ULK4: variants seen among roughly 807,000 people sequenced by gnomAD.
The protein encoded by ULK4 is inactive serine/threonine-protein kinase ULK4.
ULK4 carries 133 observed loss-of-function variants against 160.6 expected under a neutral mutation model. The observed-to-expected ratio is 0.83, with a 90% CI of 0.72 to 0.96. ULK4 has a LOEUF of 0.96. Among genes scored for constraint, ULK4 ranks in the 40% least tolerant of loss-of-function variants. The pLI is 0.00. For missense variants in ULK4, 1,580 were observed against 1,499.5 expected, an observed-to-expected ratio of 1.05 and a Z score of -0.89; for synonymous variants, 534 against 539.8, an observed-to-expected ratio of 0.99 and a Z score of 0.15.
At chr3:41,357,817 G>A (rs1363830474) in intron 35 of ULK4, among the ~76,000 whole-genome samples, 2 of 152,184 alleles carry the variant, frequency 1.3e-5, no homozygotes, top group Non-Finnish European at 2.9e-5. Context: ...ACTGTGGCAG[G>A]AGTCACGGAG....
At chr3:41,696,101 A>C (rs984271910) in intron 27 of ULK4, among the ~76,000 whole-genome samples, 5 of 152,124 alleles carry the variant, frequency 3.3e-5, no homozygotes, top group African/African-American at 1.2e-4. Context: ...GGAACGGGAA[A>C]GGCAATCTCC....
chr3:41,881,590 C>T (rs1175132433), intron 17 of ULK4, among the ~76,000 whole-genome samples: 1 of 152,110 alleles, frequency 6.6e-6, no homozygotes, highest in African/African-American at 2.4e-5. Context: ...GCACCTAGCT[C>T]AATTTCAAGT....
chr3:41,284,508 T>C (rs1038860526), intron 35 of ULK4, among the ~76,000 whole-genome samples: 12 of 152,106 alleles, frequency 7.9e-5, no homozygotes, highest in African/African-American at 2.7e-4. Context: ...GACACCCCTT[T>C]CAACAAATGG....
chr3:41,511,940 T>G (rs1053678397), intron 32 of ULK4, among the ~76,000 whole-genome samples: 1 of 152,112 alleles, frequency 6.6e-6, no homozygotes, highest in Non-Finnish European at 1.5e-5. Context: ...CACGATCAAG[T>G]GGGTTTCATA....
Position 41,878,675 on chromosome 3 carries a change from T to TAAAAAAAA in ULK4, c.1656+5191_1656+5198dup, listed in dbSNP as rs33987084. ...AATAATCGATTGATGTTAAAACTGT[T>TAAAAAAAA]AAAAAAAAAAAAAAAAAAAAAGAGT... On this transcript the variant is annotated intron_variant, in intron 17 of 36. Transcript: ENST00000301831. 1.9e-4 allele frequency among the ~76,000 whole-genome samples: 18 copies of TAAAAAAAA among 95,920 alleles called. No individual in the cohort carries two copies. The East Asian group carries it at 2.2e-3, about 12-fold the overall frequency. The allele number at this position is 95,920 out of a possible 152,430, so 62.9% of individuals were successfully genotyped here.
intron 32 of ULK4, among the ~76,000 whole-genome samples, chr3:41,551,317 T>C (rs2643972): frequency 0.51 from 76,845 of 150,568 alleles, 19,626 homozygotes; most frequent in Middle Eastern, 0.58. Flanking sequence ...GGCAAAAAAG[T>C]ATAAAGGATC....
intron 35 of ULK4, among the ~76,000 whole-genome samples, chr3:41,393,119 G>A (rs555911406): frequency 2.0e-5 from 3 of 152,212 alleles, no homozygotes; most frequent in Non-Finnish European, 4.4e-5. Context: ...GTACTAACAC[G>A]AGCTCCCAAT....
chr3:41,930,073 C>T (rs551600684), intron 5 of ULK4, among the ~76,000 whole-genome samples: 2 of 152,252 alleles, frequency 1.3e-5, no homozygotes, highest in South Asian at 4.1e-4. Context: ...CATCGCACTA[C>T]CTAACCTCAA....
rs541320613 is a variant in ULK4, at chr3:41,789,451, A to G, written c.2193+210T>C. 9.2e-5 allele frequency among the ~76,000 whole-genome samples: 14 copies of G among 152,320 alleles called. No homozygotes were observed. In the South Asian group the frequency reaches 2.9e-3, roughly 32 times the overall value. On this transcript the variant is annotated intron_variant, in intron 21 of 36. Transcript: ENST00000301831. ...TTACTGAAATGGGACAAGTAGGCAGAAGCCATTTAAAGAATTTCTATTTTA... is the reference window on the plus strand; with the variant it reads ...TTACTGAAATGGGACAAGTAGGCAGGAGCCATTTAAAGAATTTCTATTTTA...
intron 18 of ULK4, among the ~76,000 whole-genome samples, chr3:41,822,991 G>T (rs2041198554): frequency 6.6e-6 from 1 of 151,734 alleles, no homozygotes; most frequent in African/African-American, 2.4e-5. Context: ...CAAAGTGCTG[G>T]GATTATAGGC....
intron 1 of ULK4, among the ~76,000 whole-genome samples, chr3:41,960,289 G>A (rs555071944): frequency 6.6e-6 from 1 of 152,138 alleles, no homozygotes; most frequent in Non-Finnish European, 1.5e-5. Context: ...GCTTAGATAG[G>A]GTGGTTTGTT....
intron 17 of ULK4, among the ~76,000 whole-genome samples, chr3:41,876,303 T>G (rs899819093): frequency 1.3e-5 from 2 of 152,130 alleles, no homozygotes; most frequent in African/African-American, 4.8e-5. Flanking sequence ...TTAATAGAGA[T>G]AGGAAGAAAA....
intron 21 of ULK4, among the ~76,000 whole-genome samples, chr3:41,777,386 T>C (rs1338775909): frequency 5.7e-4 from 11 of 19,368 alleles, no homozygotes; most frequent in East Asian, 1.4e-3. Flanking sequence ...CCTGGATTCA[T>C]TGATTTTTTG....
intron 16 of ULK4, among the ~76,000 whole-genome samples, chr3:41,891,891 C>A (rs532676397): frequency 1.3e-5 from 2 of 151,998 alleles, no homozygotes; most frequent in African/African-American, 2.4e-5. Flanking sequence ...AGTGACTGAG[C>A]GAGACTCCGT....
chr3:41,381,341 C>T (rs748812486), intron 35 of ULK4, among the ~76,000 whole-genome samples: 2 of 152,214 alleles, frequency 1.3e-5, no homozygotes, highest in Non-Finnish European at 2.9e-5. Flanking sequence ...AAGCATTCCA[C>T]ATTCTGATAC....
chr3:41,289,642 T>G (rs1373900503), intron 35 of ULK4, among the ~76,000 whole-genome samples: 1 of 152,064 alleles, frequency 6.6e-6, no homozygotes, highest in Non-Finnish European at 1.5e-5. Flanking sequence ...ACAGAGCCCA[T>G]GGTAGACAGG....
intron 30 of ULK4, among the ~76,000 whole-genome samples, chr3:41,645,773 T>C (rs1304690587): frequency 4.6e-5 from 7 of 152,174 alleles, no homozygotes; most frequent in Non-Finnish European, 4.4e-5. Flanking sequence ...TGTTGATCTG[T>C]CTAATGTTGA....
intron 35 of ULK4, among the ~76,000 whole-genome samples, chr3:41,310,968 G>A (rs1345589890): frequency 6.6e-6 from 1 of 151,668 alleles, no homozygotes; most frequent in Non-Finnish European, 1.5e-5. Context: ...ACTCCAGCCT[G>A]GGCAACAGAG....
chr3:41,354,105 G>C (rs2080979400), intron 35 of ULK4, among the ~76,000 whole-genome samples: 1 of 152,178 alleles, frequency 6.6e-6, no homozygotes, highest in African/African-American at 2.4e-5. Flanking sequence ...ACTCATCCCA[G>C]AAGTCACACA....
Sources: gnomAD v4.1 joint callset for allele counts (sites outside exome capture counted in the v4.1 genomes callset) on GRCh38, gnomAD v4.1.1 for gene constraint, MANE v1.5 for transcripts, NCBI Gene and HGNC (gene_info 2026-07-23, HGNC 2026-07-21) for gene names.